ESRRB: variants seen among roughly 807,000 people sequenced by gnomAD.
ESRRB encodes estrogen related receptor beta.
A neutral mutation model predicts 46.0 loss-of-function variants in ESRRB; 16 were observed. The ratio of observed to expected loss-of-function variants is 0.35; its 90% CI spans 0.24 to 0.53. The LOEUF (loss-of-function observed/expected upper bound fraction) is 0.53, where lower values mean the gene tolerates loss of function less well. Ranked by LOEUF, ESRRB falls within the 20% of genes least tolerant of loss-of-function variation. The probability of loss-of-function intolerance (pLI) is 0.93; values close to 1 mark genes in which losing one functional copy is unlikely to be tolerated. For missense variants in ESRRB, 488 were observed against 607.4 expected (o/e 0.80, Z 2.07); for synonymous variants, 246 against 259.6 (o/e 0.95, Z 0.50).
chr14:76,358,899 G>C (rs1378334140), intron 1 of ESRRB, among the ~76,000 whole-genome samples: 2 of 152,152 alleles, frequency 1.3e-5, no homozygotes, highest in African/African-American at 2.4e-5. Flanking sequence ...TCCATGACTT[G>C]AGCGCTTGTG....
At chr14:76,337,550 G>A (rs1343300236) in intron 1 of ESRRB, among the ~76,000 whole-genome samples, 1 of 152,144 alleles carries the variant, frequency 6.6e-6, no homozygotes, top group Non-Finnish European at 1.5e-5. Context: ...GGGTAGGTGT[G>A]TGTGGGCGGG....
chr14:76,451,823 G>C (rs529472459), intron 2 of ESRRB, among the ~76,000 whole-genome samples: 2 of 137,986 alleles, frequency 1.4e-5, no homozygotes, highest in Non-Finnish European at 3.1e-5. Context: ...AGTAAAGACA[G>C]GGTTTCACTG....
chr14:76,456,507 G>A (rs372272562), intron 2 of ESRRB, among the ~76,000 whole-genome samples: 1 of 152,200 alleles, frequency 6.6e-6, no homozygotes, highest in African/African-American at 2.4e-5. Flanking sequence ...AGAAGGGAGG[G>A]AGGGAGCAGG....
intron 1 of ESRRB, among the ~76,000 whole-genome samples, chr14:76,312,837 C>T (rs1883754837): frequency 6.6e-6 from 1 of 152,100 alleles, no homozygotes; most frequent in South Asian, 2.1e-4. Context: ...ACTTCTAGGA[C>T]TTTCAGATCT....
chr14:76,329,955 G>A (rs1416691594), intron 1 of ESRRB, among the ~76,000 whole-genome samples: 1 of 150,290 alleles, frequency 6.7e-6, no homozygotes, highest in Non-Finnish European at 1.5e-5. Context: ...TGTCCTTGGG[G>A]AGGTGTGGGT....
intron 1 of ESRRB, among the ~76,000 whole-genome samples, chr14:76,383,434 T>C (rs1369352764): frequency 6.6e-6 from 1 of 152,190 alleles, no homozygotes; most frequent in Non-Finnish European, 1.5e-5. Flanking sequence ...GATGTGTTCT[T>C]GGTTTCTGAA....
intron 1 of ESRRB, among the ~76,000 whole-genome samples, chr14:76,410,443 C>A (rs536997744): frequency 5.3e-5 from 8 of 152,272 alleles, no homozygotes; most frequent in African/African-American, 1.9e-4. Flanking sequence ...AAAGTAGCCA[C>A]AGTTACCAAG....
rs754105207 is a variant in ESRRB, at chr14:76,491,644, C to T, written c.1048C>T (p.Arg350Cys). The change falls in exon 6 of 7, where the codon CGC becomes TGC. Residue 350 changes from arginine to cysteine, a missense_variant. Transcript: ENST00000644823. ...ELYRAILQLV[R>C]RYKKLKVEKE... ...CTACCGGGCCATCCTGCAGCTGGTA[C>T]GCAGGTACAAGAAGCTCAAGGTGGA... 1.7e-5 allele frequency: 27 copies of T among 1,584,808 alleles called. No homozygotes were observed. The highest frequency in any genetic ancestry group is 2.3e-5 in the East Asian group (1 of 44,000).
At chr14:76,487,898 T>A (rs1890081677) in intron 5 of ESRRB, among the ~76,000 whole-genome samples, 1 of 152,220 alleles carries the variant, frequency 6.6e-6, no homozygotes, top group Non-Finnish European at 1.5e-5. Flanking sequence ...CCACCGTGCC[T>A]GGCCACTAGG....
intron 1 of ESRRB, among the ~76,000 whole-genome samples, chr14:76,420,552 G>GGT (rs1555395353): frequency 1.5e-5 from 2 of 136,514 alleles, no homozygotes; most frequent in African/African-American, 6.1e-5. Flanking sequence ...TCTCCTACAG[G>GGT]GTGTGAGTGT....
At chr14:76,386,217 C>T (rs1357005121) in intron 1 of ESRRB, among the ~76,000 whole-genome samples, 1 of 152,064 alleles carries the variant, frequency 6.6e-6, no homozygotes, top group East Asian at 1.9e-4. Context: ...GAACGAATCC[C>T]TATATTTTCA....
At chr14:76,436,597 G>T (rs1455705749) in intron 1 of ESRRB, among the ~76,000 whole-genome samples, 1 of 152,182 alleles carries the variant, frequency 6.6e-6, no homozygotes, top group African/African-American at 2.4e-5. Flanking sequence ...GCTCTATTCT[G>T]CCTGCCTCGT....
At chr14:76,449,454 G>A (rs1888287776) in intron 2 of ESRRB, among the ~76,000 whole-genome samples, 1 of 152,028 alleles carries the variant, frequency 6.6e-6, no homozygotes, top group South Asian at 2.1e-4. Context: ...GGGAGGCTGA[G>A]GTACAAGAAT....
chr14:76,363,376 G>C (rs541553782), intron 1 of ESRRB, among the ~76,000 whole-genome samples: 156 of 152,268 alleles, frequency 1.0e-3, no homozygotes, highest in Non-Finnish European at 1.9e-3. Flanking sequence ...CAAGCAAATT[G>C]GTCCTCATGG....
chr14:76,426,426 AAATT>A (rs1368457255), intron 1 of ESRRB, among the ~76,000 whole-genome samples: 1 of 152,206 alleles, frequency 6.6e-6, no homozygotes, highest in East Asian at 1.9e-4. Flanking sequence ...TCTAGCAAGA[AAATT>A]AATTAACTTT....
At chr14:76,336,999 G>C (rs1884134383) in intron 1 of ESRRB, among the ~76,000 whole-genome samples, 1 of 152,086 alleles carries the variant, frequency 6.6e-6, no homozygotes, top group Admixed American at 6.5e-5. Context: ...GTGAGGGAGA[G>C]AGCCAGCCCT....
At chr14:76,419,077 C>T (rs991984735) in intron 1 of ESRRB, among the ~76,000 whole-genome samples, 13 of 152,046 alleles carry the variant, frequency 8.6e-5, no homozygotes, top group East Asian at 5.8e-4. Flanking sequence ...TGCGATGGCA[C>T]GATCTCGGCT....
chr14:76,449,761 C>CTTTTTT (rs79764142), intron 2 of ESRRB, among the ~76,000 whole-genome samples: 1 of 126,304 alleles, frequency 7.9e-6, no homozygotes, highest in African/African-American at 3.1e-5. Flanking sequence ...TTTTTCTTTC[C>CTTTTTT]TTTTTTTTTT....
At chr14:76,452,743 A>G (rs1014683611) in intron 2 of ESRRB, among the ~76,000 whole-genome samples, 1 of 151,902 alleles carries the variant, frequency 6.6e-6, no homozygotes, top group African/African-American at 2.4e-5. Flanking sequence ...AATTTAGGCT[A>G]CTAGGGAGAT....
Sources: allele counts gnomAD v4.1 joint callset (sites outside exome capture counted in the v4.1 genomes callset), GRCh38; gene constraint gnomAD v4.1.1; transcripts MANE v1.5; gene names NCBI Gene and HGNC (gene_info 2026-07-23, HGNC 2026-07-21).